FGGY: variants seen among roughly 807,000 people sequenced by gnomAD.
The protein encoded by FGGY is FGGY carbohydrate kinase domain containing.
In FGGY, 72 loss-of-function variants were observed where a neutral mutation model predicts 71.3. The observed-to-expected ratio is 1.01, with a 90% CI of 0.84 to 1.23. The LOEUF is 1.23. Among genes scored for constraint, FGGY ranks in the 50% most tolerant of loss-of-function variants. FGGY has a pLI of 0.00. For missense variants in FGGY, 668 were observed against 682.3 expected (o/e 0.98, Z 0.23); for synonymous variants, 251 against 250.3 (o/e 1.00, Z -0.02).
intron 11 of FGGY, among the ~76,000 whole-genome samples, chr1:59,659,266 A>G (rs564959779): frequency 6.6e-6 from 1 of 152,280 alleles, no homozygotes; most frequent in South Asian, 2.1e-4. Context: ...CACTGTCATA[A>G]GCCAATTGCA....
At chr1:59,415,131 G>A (rs534507541) in intron 5 of FGGY, among the ~76,000 whole-genome samples, 2 of 152,296 alleles carry the variant, frequency 1.3e-5, no homozygotes, top group African/African-American at 2.4e-5. Flanking sequence ...AGCAGGCACC[G>A]ATTTCTTTGC....
intron 8 of FGGY, among the ~76,000 whole-genome samples, chr1:59,576,431 A>G (rs917040637): frequency 2.0e-5 from 3 of 152,142 alleles, no homozygotes; most frequent in Non-Finnish European, 4.4e-5. Context: ...GGAGAGCATT[A>G]GGACAAATGC....
At chr1:59,346,947 C>CTTTTTTTTTTTTTTTTTTT (rs71580898) in intron 4 of FGGY, among the ~76,000 whole-genome samples, 2 of 112,190 alleles carry the variant, frequency 1.8e-5, no homozygotes, top group Non-Finnish European at 1.9e-5. Context: ...AAAATCAATT[C>CTTTTTTTTTTTTTTTTTTT]TTTTTTTTTT....
intron 5 of FGGY, among the ~76,000 whole-genome samples, chr1:59,391,536 AGT>A (rs1226242099): frequency 6.6e-6 from 1 of 152,208 alleles, no homozygotes; most frequent in Non-Finnish European, 1.5e-5. Flanking sequence ...TCTTTTCATT[AGT>A]AAAGCAAATC....
intron 5 of FGGY, among the ~76,000 whole-genome samples, chr1:59,387,972 T>C (rs752569654): frequency 6.6e-6 from 1 of 152,202 alleles, no homozygotes; most frequent in Non-Finnish European, 1.5e-5. Context: ...TTCTGACTGA[T>C]AGAGACTACA....
Position 59,638,300 on chromosome 1 carries a change from T to C in FGGY, c.1146T>C (p.Leu382=). Residue 382 remains leucine, a synonymous_variant, in exon 11 of 16, where the codon CTT becomes CTC. Transcript: ENST00000303721. ...LIKKAQPVGF[L]TVDLHVWPDF... ...AGAAGGCTCAGCCTGTGGGTTTCCTTACTGTTGATTTACATGTTTGGCCAG... is the reference window on the plus strand; with the variant it reads ...AGAAGGCTCAGCCTGTGGGTTTCCTCACTGTTGATTTACATGTTTGGCCAG... 1 of 1,614,252 alleles carries C rather than the reference T, an allele frequency of 6.2e-7. No homozygotes were observed. Among genetic ancestry groups the C allele is most frequent in the Non-Finnish European group, 8.5e-7 (1 of 1,180,042 alleles).
chr1:59,370,924 C>A (rs1290777039), intron 4 of FGGY, among the ~76,000 whole-genome samples: 5 of 152,148 alleles, frequency 3.3e-5, no homozygotes, highest in African/African-American at 9.6e-5. Context: ...CATGGAAAGG[C>A]ACAACTGGTA....
intron 8 of FGGY, among the ~76,000 whole-genome samples, chr1:59,575,046 C>A (rs918143227): frequency 6.6e-6 from 1 of 152,126 alleles, no homozygotes; most frequent in African/African-American, 2.4e-5. Context: ...TTTTGATATA[C>A]TATATATTGT....
At chr1:59,483,019 G>A (rs916541660) in intron 6 of FGGY, among the ~76,000 whole-genome samples, 4 of 152,116 alleles carry the variant, frequency 2.6e-5, no homozygotes, top group African/African-American at 9.7e-5. Context: ...TCTCTGGAGC[G>A]ATTAAGAACT....
chr1:59,627,711 A>G (rs1177370547), intron 10 of FGGY, among the ~76,000 whole-genome samples: 1 of 151,894 alleles, frequency 6.6e-6, no homozygotes, highest in African/African-American at 2.4e-5. Flanking sequence ...TCTTAGAAAG[A>G]TGGCTGAGTC....
At chr1:59,671,543 G>A (rs1359765779) in intron 13 of FGGY, among the ~76,000 whole-genome samples, 1 of 152,196 alleles carries the variant, frequency 6.6e-6, no homozygotes, top group East Asian at 1.9e-4. Context: ...GAGGGAGGAA[G>A]GGAAGAGGTG....
intron 9 of FGGY, among the ~76,000 whole-genome samples, chr1:59,622,564 T>A (rs1259150844): frequency 6.6e-6 from 1 of 152,198 alleles, no homozygotes; most frequent in Non-Finnish European, 1.5e-5. Context: ...GGACTACTTC[T>A]GGTGTTCCCA....
chr1:59,301,952 G>A (rs1301408557), intron 1 of FGGY, among the ~76,000 whole-genome samples: 1 of 150,144 alleles, frequency 6.7e-6, no homozygotes, highest in Non-Finnish European at 1.5e-5. Flanking sequence ...GGTCAGGCTG[G>A]TCTTGATCTC....
intron 5 of FGGY, among the ~76,000 whole-genome samples, chr1:59,437,792 A>G (rs1411138234): frequency 6.6e-6 from 1 of 152,214 alleles, no homozygotes; most frequent in Non-Finnish European, 1.5e-5. Flanking sequence ...CTAGAGTAGT[A>G]TTGGGTTAAG....
intron 6 of FGGY, among the ~76,000 whole-genome samples, chr1:59,496,502 A>C (rs1274879184): frequency 6.6e-6 from 1 of 152,112 alleles, no homozygotes; most frequent in African/African-American, 2.4e-5. Context: ...CAAAGGAGAG[A>C]ACAGTAGACA....
intron 14 of FGGY, among the ~76,000 whole-genome samples, chr1:59,740,276 A>C (rs938237187): frequency 1.3e-5 from 2 of 152,218 alleles, no homozygotes; most frequent in African/African-American, 4.8e-5. Flanking sequence ...CATTTTCTAC[A>C]ATGACTATTA....
intron 7 of FGGY, among the ~76,000 whole-genome samples, chr1:59,537,850 G>A (rs1465560292): frequency 6.6e-6 from 1 of 152,148 alleles, no homozygotes; most frequent in African/African-American, 2.4e-5. Flanking sequence ...ATCAATTCAA[G>A]ATGGATTAAA....
intron 14 of FGGY, 33 bp from the exon 15 acceptor site, chr1:59,757,898 A>G (rs372742249): frequency 6.4e-7 from 1 of 1,567,340 alleles, no homozygotes; most frequent in Non-Finnish European, 8.8e-7. Context: ...TCGCTTTCCA[A>G]CTCAGCTGTC....
At chr1:59,749,129 A>T (rs758680522) in intron 14 of FGGY, among the ~76,000 whole-genome samples, 1 of 152,254 alleles carries the variant, frequency 6.6e-6, no homozygotes, top group Non-Finnish European at 1.5e-5. Context: ...TCACTGCACC[A>T]CTGCACCTCC....
Sources: gnomAD v4.1 joint callset for allele counts (sites outside exome capture counted in the v4.1 genomes callset) on GRCh38, gnomAD v4.1.1 for gene constraint, MANE v1.5 for transcripts, NCBI Gene and HGNC (gene_info 2026-07-23, HGNC 2026-07-21) for gene names.